AQR: variants seen among roughly 807,000 people sequenced by gnomAD.
The protein encoded by AQR is RNA helicase aquarius.
A neutral mutation model predicts 180.5 loss-of-function variants in AQR; 61 were observed. The observed-to-expected ratio is 0.34, with a 90% confidence interval of 0.28 to 0.42. The LOEUF (loss-of-function observed/expected upper bound fraction) is 0.42, where lower values mean the gene tolerates loss of function less well. Among genes scored for constraint, AQR ranks in the 10% least tolerant of loss-of-function variants. AQR has a pLI of 1.00. For missense variants in AQR, 1,281 were observed against 1,798.3 expected (o/e 0.71, Z 5.20); for synonymous variants, 551 against 588.8 (o/e 0.94, Z 0.93).
chr15:34,888,462 G>A (rs971993813), intron 24 of AQR, among the ~76,000 whole-genome samples: 1 of 151,980 alleles, frequency 6.6e-6, no homozygotes, highest in African/African-American at 2.4e-5. Flanking sequence ...ACTTTGGGAG[G>A]CCAAGATGGA....
At chr15:34,909,189 A>C (rs1566987347) in intron 17 of AQR, among the ~76,000 whole-genome samples, 1 of 152,234 alleles carries the variant, frequency 6.6e-6, no homozygotes, top group Non-Finnish European at 1.5e-5. Flanking sequence ...AGATCCATTA[A>C]GGGACATCCT....
At chr15:34,918,951 G>C (rs1251586037) in intron 14 of AQR, among the ~76,000 whole-genome samples, 1 of 152,068 alleles carries the variant, frequency 6.6e-6, no homozygotes, top group Non-Finnish European at 1.5e-5. Context: ...ATGAAAATAA[G>C]TGTTACACCG....
rs144422715 is a variant in AQR at position 34,915,335 on chromosome 15, C to T, written c.1343-156G>A. 2.7e-3 allele frequency among the ~76,000 whole-genome samples: 407 copies of T among 151,918 alleles called. 2 individuals are homozygous for T. Among genetic ancestry groups the T allele is most frequent in the African/African-American group, 9.1e-3 (379 of 41,460 alleles). On this transcript the variant is annotated intron_variant, in intron 15 of 34. Coordinates refer to ENST00000156471, the MANE Select transcript of AQR (RefSeq NM_014691.3). ...CCTCCTGAGTAGCTGGGATTACAGGCACCTGCCACCATGCCTGGCTAATTT... is the reference window on the plus strand; with the variant it reads ...CCTCCTGAGTAGCTGGGATTACAGGTACCTGCCACCATGCCTGGCTAATTT...
intron 17 of AQR, among the ~76,000 whole-genome samples, chr15:34,908,298 G>A (rs750557157): frequency 9.9e-5 from 15 of 152,004 alleles, no homozygotes; most frequent in African/African-American, 2.7e-4. Flanking sequence ...TTAGCTGGGC[G>A]TGGTGGCGGG....
At position 34,857,099 on chromosome 15, in the gene AQR, A is replaced by G. The variant is rs1892597533; in HGVS notation, c.4151T>C (p.Leu1384Ser). Residue 1384 changes from leucine (L) to serine (S), a missense_variant, in exon 35 of 35, where the codon TTA becomes TCA. This residue lies in a region of AQR where 182 missense variants were observed against 185.3 expected (regional missense o/e 0.98). Coordinates refer to ENST00000156471, the MANE Select transcript of AQR (RefSeq NM_014691.3). ...QTTHHYHQTL[L>S]QLPPAMVEEG... ...TTCTACCATAGCAGGTGGTAGTTGTAATAAAGTCTAATTAAAAAAAAAAAA... is the reference window on the plus strand; with the variant it reads ...TTCTACCATAGCAGGTGGTAGTTGTGATAAAGTCTAATTAAAAAAAAAAAA... 1 of 1,553,760 alleles carries G rather than the reference A, an allele frequency of 6.4e-7. No individual in the cohort carries two copies. The highest frequency in any genetic ancestry group is 8.6e-7 in the Non-Finnish European group (1 of 1,156,584).
At position 34,932,452 on chromosome 15, in the gene AQR, C is replaced by T; in HGVS notation, c.784-18G>A. 8 of 1,509,204 alleles carry T rather than the reference C, an allele frequency of 5.3e-6. No individual in the cohort carries two copies. Among genetic ancestry groups the T allele is most frequent in the Non-Finnish European group, 7.2e-6 (8 of 1,110,184 alleles). 93.5% of individuals were successfully genotyped at this position (1,509,204 alleles called of 1,614,324 possible). ...AGCAGGGCCTGGGAAAAACAAACAT[C>T]ATAACAGTAAGTTTGCATCTATTCT... is the stretch of plus-strand genomic sequence containing the variant. On this transcript the variant is annotated intron_variant, in intron 10 of 34. Transcript: ENST00000156471.
chr15:34,928,400 T>C (rs371054343), intron 12 of AQR, among the ~76,000 whole-genome samples: 2 of 152,158 alleles, frequency 1.3e-5, no homozygotes, highest in Non-Finnish European at 2.9e-5. Context: ...TCTGTGTCCA[T>C]GTGTTCTCAA....
At chr15:34,888,117 G>T (rs1259309473) in intron 24 of AQR, among the ~76,000 whole-genome samples, 1 of 151,644 alleles carries the variant, frequency 6.6e-6, no homozygotes, top group Non-Finnish European at 1.5e-5. Context: ...GGCCAACATG[G>T]CAAAACCCCG....
chr15:34,929,527 T>C (rs1893817800), intron 12 of AQR, among the ~76,000 whole-genome samples: 1 of 152,224 alleles, frequency 6.6e-6, no homozygotes, highest in African/African-American at 2.4e-5. Flanking sequence ...CTGACGTCTC[T>C]GTTCTGCTCC....
At chr15:34,933,963 A>G (rs1042654564) in intron 10 of AQR, among the ~76,000 whole-genome samples, 3 of 152,126 alleles carry the variant, frequency 2.0e-5, no homozygotes, top group African/African-American at 7.2e-5. Context: ...TCTACAAAAA[A>G]CACAAAAATT....
chr15:34,876,300 G>C (rs1416148090), intron 27 of AQR, among the ~76,000 whole-genome samples: 1 of 152,078 alleles, frequency 6.6e-6, no homozygotes, highest in East Asian at 1.9e-4. Flanking sequence ...TGCCAGTTTG[G>C]TTCTTTTCAA....
intron 20 of AQR, 34 bp from the exon 21 acceptor site, chr15:34,897,739 T>C (rs1893270693): frequency 1.2e-6 from 2 of 1,609,890 alleles, no homozygotes; most frequent in Non-Finnish European, 1.7e-6. Flanking sequence ...ATTTTTGCAA[T>C]TAACAAGGAT....
chr15:34,879,943 C>T (rs1218488221), intron 27 of AQR, among the ~76,000 whole-genome samples: 2 of 152,158 alleles, frequency 1.3e-5, no homozygotes, highest in African/African-American at 4.8e-5. Flanking sequence ...TCTCCCACAA[C>T]CCAGGGACCC....
chr15:34,874,548 G>C, intron 29 of AQR, 129 bp downstream of exon 29: 3 of 1,104,676 alleles, frequency 2.7e-6, no homozygotes, highest in Non-Finnish European at 3.9e-6. Flanking sequence ...AGTGCTTTTG[G>C]ATTTATGGAT....
rs1325122614 is a variant in AQR, at chr15:34,895,199, T to A, written c.2461-1426A>T. Among the ~76,000 whole-genome samples, 451 of 53,826 alleles carry A rather than the reference T, an allele frequency of 8.4e-3. 8 individuals carry two copies. The highest frequency in any genetic ancestry group is 0.012 in the Non-Finnish European group (320 of 27,302). 35.3% of individuals were successfully genotyped at this position (53,826 alleles called of 152,430 possible). ...AAAAAAAAAAAAAAATATATATATA[T>A]ATATATATATATATATATATATGAA... On this transcript the variant is annotated intron_variant, in intron 22 of 34. Transcript: ENST00000156471.
chr15:34,874,430 C>A, intron 29 of AQR: 1 of 457,764 alleles, frequency 2.2e-6, no homozygotes, highest in African/African-American at 2.1e-5. Context: ...GGAGAAGGGA[C>A]AATGAAAAGA....
At chr15:34,955,473 C>T (rs991308285) in intron 3 of AQR, among the ~76,000 whole-genome samples, 5 of 152,132 alleles carry the variant, frequency 3.3e-5, no homozygotes, top group African/African-American at 7.2e-5. Flanking sequence ...GCTGTGGCAG[C>T]CCCACCACAA....
chr15:34,941,808 A>G (rs1894026595), intron 7 of AQR, among the ~76,000 whole-genome samples: 1 of 152,206 alleles, frequency 6.6e-6, no homozygotes, highest in Non-Finnish European at 1.5e-5. Flanking sequence ...TATTCATTTT[A>G]TATTACTAAA....
chr15:34,875,556 A>C (rs958330361), intron 28 of AQR, among the ~76,000 whole-genome samples: 12 of 152,122 alleles, frequency 7.9e-5, no homozygotes, highest in African/African-American at 2.7e-4. Context: ...CTTAGGCATA[A>C]AGAAAAGCAA....
Sources: gnomAD v4.1 joint callset for allele counts (sites outside exome capture counted in the v4.1 genomes callset) on GRCh38, gnomAD v4.1.1 for gene constraint, gnomAD v4.1.1 regional missense constraint, MANE v1.5 for transcripts, NCBI Gene and HGNC (gene_info 2026-07-23, HGNC 2026-07-21) for gene names.